NBPF3: variants seen among roughly 807,000 people sequenced by gnomAD.
NBPF3 encodes NBPF member 3, also known as NBPF family member NBPF3.
In NBPF3, 57 loss-of-function variants were observed where a neutral mutation model predicts 78.1. That is an observed-to-expected ratio of 0.73 (90% CI 0.59 to 0.91). The LOEUF (loss-of-function observed/expected upper bound fraction) is 0.91. Ranked by LOEUF, NBPF3 falls within the 40% of genes least tolerant of loss-of-function variation. The pLI, the probability that NBPF3 is intolerant of heterozygous loss-of-function variation, is 0.00. For synonymous variants in NBPF3, 182 were observed against 271.7 expected, an observed-to-expected ratio of 0.67 and a Z score of 3.25; for missense variants, 510 against 715.3, an observed-to-expected ratio of 0.71 and a Z score of 3.27.
chr1:21,446,487 T>TTCCG lies in NBPF3; in HGVS notation c.133+1271_133+1272insGTCC, dbSNP rs1318314924. ...CTTCCTTCCTTCCTTCCTTCCTTCC[T>TTCCG]TCCTTCCCTACTTCCCTCCAACTCT... is the stretch of plus-strand genomic sequence containing the variant. On this transcript the variant is annotated intron_variant, in intron 2 of 14. Coordinates refer to ENST00000318249, the MANE Select transcript of NBPF3 (RefSeq NM_032264.6). 1.6e-4 allele frequency: 21 copies of TTCCG among 130,898 alleles called. No individual in the cohort carries two copies. In the East Asian group the frequency reaches 3.6e-3, roughly 22 times the overall value. The allele number at this position is 130,898 out of a possible 1,614,324, so 8.1% of individuals were successfully genotyped here.
intron 2 of NBPF3, among the ~76,000 whole-genome samples, chr1:21,456,679 GA>G (rs1284061965): frequency 6.6e-6 from 1 of 151,852 alleles, no homozygotes; most frequent in Non-Finnish European, 1.5e-5. Flanking sequence ...ACAAACCCCA[GA>G]AAACTCAGCA....
chr1:21,462,478 A>T (rs1642007182), intron 2 of NBPF3, among the ~76,000 whole-genome samples: 1 of 152,246 alleles, frequency 6.6e-6, no homozygotes, highest in Admixed American at 6.5e-5. Context: ...GAGAGATAAC[A>T]AACACTCAAA....
In NBPF3 at chr1:21,482,228, C is replaced by T. The variant is rs186029675; in HGVS notation, c.1607-256C>T. ...ATTGATTGGAAAGATATGGCATAAC[C>T]GTTTGCACAAACTTGGGACAAATGA... On this transcript the variant is annotated intron_variant, in intron 13 of 14. Transcript: ENST00000318249. 8.1e-5 allele frequency among the ~76,000 whole-genome samples: 12 copies of T among 148,196 alleles called. No homozygotes were observed. In the South Asian group the frequency reaches 1.5e-3, roughly 18 times the overall value.
chr1:21,473,343 T>C (rs1642709752), intron 6 of NBPF3, 37 bp from the exon 7 acceptor site: 1 of 1,603,006 alleles, frequency 6.2e-7, no homozygotes, highest in African/African-American at 1.3e-5. Context: ...CCTCTGTGTT[T>C]AGTCTTCTGT....
At chr1:21,469,025 C>A in intron 3 of NBPF3, 128 bp downstream of exon 3, 4 of 761,346 alleles carry the variant, frequency 5.3e-6, no homozygotes, top group Non-Finnish European at 8.6e-6. Context: ...TAGAAATGGG[C>A]ATTTTCACAT....
chr1:21,469,593 C>T (rs573277247), intron 3 of NBPF3, among the ~76,000 whole-genome samples: 12 of 152,108 alleles, frequency 7.9e-5, no homozygotes, highest in East Asian at 3.8e-4. Flanking sequence ...GGCGTGGTGG[C>T]GGGCGCCTGT....
rs572030712 is a variant in NBPF3 at position 21,472,628 on chromosome 1, T to C, written c.662-215T>C. On this transcript the variant is annotated intron_variant, in intron 5 of 14. Transcript: ENST00000318249. ...TGGGGAGCAAAAGGTCTTTTCAGTATTTGGCCACATCTTGATGGTGGCCCT... is the reference window on the plus strand; with the variant it reads ...TGGGGAGCAAAAGGTCTTTTCAGTACTTGGCCACATCTTGATGGTGGCCCT... 2.6e-4 allele frequency among the ~76,000 whole-genome samples: 39 copies of C among 152,338 alleles called. 1 individual carries two copies. In the South Asian group the frequency reaches 8.1e-3, roughly 32 times the overall value.
At chr1:21,448,259 G>A (rs545891917) in intron 2 of NBPF3, among the ~76,000 whole-genome samples, 4 of 151,892 alleles carry the variant, frequency 2.6e-5, no homozygotes, top group African/African-American at 9.7e-5. Flanking sequence ...GATTCTTATG[G>A]TTTTGCATCT....
intron 2 of NBPF3, among the ~76,000 whole-genome samples, chr1:21,455,518 T>C (rs1046330076): frequency 2.6e-5 from 4 of 152,236 alleles, no homozygotes; most frequent in African/African-American, 9.6e-5. Flanking sequence ...TTTTCAGCAG[T>C]GTACGACAGG....
chr1:21,439,424 G>T (rs189578168), upstream of NBPF3, among the ~76,000 whole-genome samples: 76 of 152,028 alleles, frequency 5.0e-4, no homozygotes, highest in East Asian at 9.3e-3. Context: ...GGGAGGTGGA[G>T]GTTGCAGGAA....
chr1:21,446,637 T>C (rs1422404138), intron 2 of NBPF3, among the ~76,000 whole-genome samples: 1 of 148,744 alleles, frequency 6.7e-6, no homozygotes, highest in Non-Finnish European at 1.5e-5. Context: ...CATGCTCTTT[T>C]TCTTTCCTTT....
intron 2 of NBPF3, among the ~76,000 whole-genome samples, chr1:21,458,236 G>A (rs1310807396): frequency 6.6e-6 from 1 of 151,846 alleles, no homozygotes; most frequent in East Asian, 1.9e-4. Flanking sequence ...AATAAAACTT[G>A]TTTAATACTA....
At chr1:21,480,528 T>C (rs983250317) in intron 11 of NBPF3, among the ~76,000 whole-genome samples, 5 of 150,616 alleles carry the variant, frequency 3.3e-5, no homozygotes, top group African/African-American at 9.7e-5. Context: ...CAAGGGTTTG[T>C]AGATTTCCTC....
At position 21,460,806 on chromosome 1, in the gene NBPF3, T is replaced by G. The variant is rs80104823; in HGVS notation, c.134-7882T>G. ...GCTTATTATGTTGTTGTTTAACAAC[T>G]TAAAAGCTATCTGTAGACCAGGAAT... On this transcript the variant is annotated intron_variant, in intron 2 of 14. Transcript: ENST00000318249. This position sits in a 1 kb window ranked among gnomAD's most constrained non-coding sequence, Gnocchi z 4.2. 5.3e-5 allele frequency among the ~76,000 whole-genome samples: 8 copies of G among 152,198 alleles called. No homozygotes were observed. Among genetic ancestry groups the G allele is most frequent in the African/African-American group, 1.4e-4 (6 of 41,450 alleles).
At chr1:21,478,329 T>C in intron 9 of NBPF3, 22 bp downstream of exon 9, 1 of 1,609,614 alleles carries the variant, frequency 6.2e-7, no homozygotes, top group East Asian at 2.2e-5. Context: ...ATTTTGAAGG[T>C]GATAAAGCTC....
upstream of NBPF3, chr1:21,437,453 A>G: frequency 7.0e-7 from 1 of 1,430,302 alleles, no homozygotes; most frequent in Non-Finnish European, 9.4e-7. Context: ...GCGGGACAAG[A>G]CCGAGGGCAC....
chr1:21,480,852 T>G, intron 11 of NBPF3, 78 bp from the exon 12 acceptor site: 1 of 656,416 alleles, frequency 1.5e-6, no homozygotes, highest in Non-Finnish European at 2.4e-6. Flanking sequence ...GGTCCCTGTG[T>G]GGGGATTAGA....
At chr1:21,438,365 C>T (rs895514656), upstream of NBPF3, among the ~76,000 whole-genome samples, 2 of 152,106 alleles carry the variant, frequency 1.3e-5, no homozygotes, top group Admixed American at 1.3e-4. Context: ...CCACCCGCTT[C>T]GGCCACCCAA....
upstream of NBPF3, chr1:21,440,095 C>G (rs1179591638): frequency 6.6e-6 from 1 of 151,382 alleles, no homozygotes; most frequent in Non-Finnish European, 1.5e-5. Context: ...CATCCGGACC[C>G]TGAGGAGCCA....
Sources: gnomAD v4.1 joint callset for allele counts (sites outside exome capture counted in the v4.1 genomes callset) on GRCh38, gnomAD v4.1.1 for gene constraint, Gnocchi (gnomAD v3.1) non-coding constraint, MANE v1.5 for transcripts, NCBI Gene and HGNC (gene_info 2026-07-23, HGNC 2026-07-21) for gene names.